The following RBM33 variants were observed in gnomAD, a reference collection of about 807,000 sequenced individuals.
The protein encoded by RBM33 is RNA-binding protein 33.
Under a neutral mutation model 132.6 loss-of-function variants are expected in RBM33, and 28 were observed. The observed-to-expected ratio is 0.21, with a 90% confidence interval of 0.16 to 0.29. RBM33 has a LOEUF of 0.29. Ranked by LOEUF, RBM33 falls within the 10% of genes least tolerant of loss-of-function variation. The probability of loss-of-function intolerance (pLI) is 1.00; values close to 1 mark genes in which losing one functional copy is unlikely to be tolerated. For synonymous variants in RBM33, 634 were observed against 593.0 expected (o/e 1.07, Z -1.01); for missense variants, 1,291 against 1,518.5 (o/e 0.85, Z 2.49).
chr7:155,673,768 G>GCGCACGCACACACACA (rs1554469952), intron 3 of RBM33, among the ~76,000 whole-genome samples: 1 of 132,962 alleles, frequency 7.5e-6, no homozygotes, highest in Non-Finnish European at 1.5e-5. Context: ...GCGCATGCGC[G>GCGCACGCACACACACA]CACACACACA....
rs994601932 is a variant in RBM33, at chr7:155,708,506, A to G, written c.948+1438A>G. Among the ~76,000 whole-genome samples the G allele has an allele frequency of 2.0e-5, 3 of 152,314 alleles. No individual in the cohort carries two copies. The South Asian group carries it at 6.2e-4, about 32-fold the overall frequency. On this transcript the variant is annotated intron_variant, in intron 7 of 17. Coordinates refer to ENST00000401878, the MANE Select transcript of RBM33 (RefSeq NM_053043.3). Reference sequence around the variant, plus strand: ...GTTGTTGAGCTCTGTTTTCTTACCCACAAAGAAGGGAAGAGCACGTATCTC... The same window carrying G: ...GTTGTTGAGCTCTGTTTTCTTACCCGCAAAGAAGGGAAGAGCACGTATCTC...
At chr7:155,731,761 CTG>C (rs543817524) in intron 9 of RBM33, among the ~76,000 whole-genome samples, 30 of 152,130 alleles carry the variant, frequency 2.0e-4, no homozygotes, top group Non-Finnish European at 3.8e-4. Flanking sequence ...GAAAGTGAAA[CTG>C]TGGATAAGTG....
At chr7:155,757,700 T>C (rs1371837496) in intron 14 of RBM33, among the ~76,000 whole-genome samples, 1 of 152,092 alleles carries the variant, frequency 6.6e-6, no homozygotes, top group Non-Finnish European at 1.5e-5. Flanking sequence ...AAGAAATACC[T>C]GAGACTGGAT....
In RBM33 at chr7:155,711,358, A is replaced by G. The variant is rs752624006; in HGVS notation, c.1104A>G (p.Pro368=). 4 of 1,596,342 alleles carry G rather than the reference A, an allele frequency of 2.5e-6. No homozygotes were observed. The East Asian group carries it at 9.3e-5, about 37-fold the overall frequency. The change falls in exon 8 of 18, where the codon CCA becomes CCG. Residue 368 remains proline (P), a synonymous_variant. Transcript: ENST00000401878. The stretch of plus-strand genomic sequence containing the variant: ...ACATGCCTCCCCAGCTAGAGACCCC[A>G]AGGATGATGATGACCCCGCCACCCG... ...GMHMPPQLET[P]RMMMTPPPVT... is the part of the protein sequence containing the mutation.
intron 6 of RBM33, 77 bp downstream of exon 6, chr7:155,701,021 A>G (rs542559929): frequency 7.6e-7 from 1 of 1,308,730 alleles, no homozygotes; most frequent in Admixed American, 2.0e-5. Flanking sequence ...AATTAATCAA[A>G]GTAGGCAAAG....
In RBM33 at chr7:155,742,058, A is replaced by T; in HGVS notation, c.2289A>T (p.Pro763=). The T allele has an allele frequency of 6.2e-7, 1 of 1,614,010 alleles. No individual in the cohort carries two copies. Among genetic ancestry groups the T allele is most frequent in the Non-Finnish European group, 8.5e-7 (1 of 1,179,896 alleles). ...GAAAGACGGAAGTGAAAGTCAAGCC[A>T]GCTAGCCCTGTGGCTCAACCTAAAG... ...SQGKTEVKVK[P]ASPVAQPKEE... The change falls in exon 13 of 18, where the codon CCA becomes CCT. Residue 763 remains proline, a synonymous_variant. Transcript: ENST00000401878.
chr7:155,712,557 G>T (rs933919632), intron 8 of RBM33, among the ~76,000 whole-genome samples: 1 of 152,218 alleles, frequency 6.6e-6, no homozygotes, highest in African/African-American at 2.4e-5. Flanking sequence ...GAAGGGATGG[G>T]TTGTATCTTA....
At chr7:155,678,565 T>G in intron 3 of RBM33, 43 bp from the exon 4 acceptor site, 1 of 1,230,088 alleles carries the variant, frequency 8.1e-7, no homozygotes. Context: ...CAAGTCTTTT[T>G]ATGGAAGTGA....
intron 1 of RBM33, among the ~76,000 whole-genome samples, chr7:155,654,203 T>C (rs1165378428): frequency 6.6e-6 from 1 of 152,208 alleles, no homozygotes; most frequent in African/African-American, 2.4e-5. Context: ...TTTCATTGAC[T>C]TCTCCTTCCT....
chr7:155,729,212 G>A (rs970563855), intron 9 of RBM33, among the ~76,000 whole-genome samples: 9 of 152,028 alleles, frequency 5.9e-5, no homozygotes, highest in South Asian at 2.1e-4. Flanking sequence ...TGAGAACAGC[G>A]TGGGGGAAAC....
intron 9 of RBM33, among the ~76,000 whole-genome samples, chr7:155,731,871 G>T (rs890855301): frequency 2.0e-5 from 3 of 152,178 alleles, no homozygotes; most frequent in African/African-American, 7.2e-5. Flanking sequence ...GAGTTTTTCA[G>T]TTCTAAGCCC....
intron 5 of RBM33, among the ~76,000 whole-genome samples, chr7:155,697,733 C>CTT (rs1799836770): frequency 2.0e-5 from 3 of 152,140 alleles, no homozygotes; most frequent in South Asian, 4.1e-4. Flanking sequence ...ATATACAAGT[C>CTT]TGAGTATTTT....
rs557148117 is a variant in RBM33 at position 155,739,967 on chromosome 7, G to A, written c.1990G>A (p.Ala664Thr). ...QPQFRPHVQT[A>T]QPQASSSRMQ... ...ACAGTTCCGGCCTCACGTACAGACC[G>A]CTCAGCCTCAGGCCAGCAGCAGCCG... is the stretch of plus-strand genomic sequence containing the variant. The change falls in exon 12 of 18, where the codon GCT (alanine) becomes ACT (threonine). Residue 664 changes from alanine (A) to threonine (T), a missense_variant. Physicochemically the swap from Ala to Thr is moderately conservative, Grantham distance 58 (BLOSUM62 0). Coordinates refer to ENST00000401878, the MANE Select transcript of RBM33 (RefSeq NM_053043.3). 17 of 1,563,830 alleles carry A rather than the reference G, an allele frequency of 1.1e-5. No homozygotes were observed. The African/African-American group carries it at 1.2e-4, about 11-fold the overall frequency.
chr7:155,700,644 A>C, intron 5 of RBM33, 129 bp from the exon 6 acceptor site: 1 of 576,200 alleles, frequency 1.7e-6, no homozygotes, highest in East Asian at 3.5e-5. Context: ...GTGGCCTTTT[A>C]ACAGGACATT....
In RBM33 at chr7:155,711,226, ACCG is replaced by A; in HGVS notation, c.978_980del (p.Pro327del). On this transcript the variant is annotated inframe_deletion, in exon 8 of 18. Transcript: ENST00000401878. ...AGCCCCAGGCTCCCCCTCCACCGCC[ACCG>A]CCGCCTCAGCAGCAGCCGATCAGAA... 6.3e-7 allele frequency: 1 copy of A among 1,579,150 alleles called. No individual in the cohort carries two copies. The highest frequency in any genetic ancestry group is 2.4e-5 in the East Asian group (1 of 41,522).
intron 6 of RBM33, 50 bp from the exon 7 acceptor site, chr7:155,706,810 C>A: frequency 7.0e-7 from 1 of 1,430,564 alleles, no homozygotes. Flanking sequence ...CCTAGACCTC[C>A]AGTTTGGGCT....
intron 1 of RBM33, among the ~76,000 whole-genome samples, chr7:155,650,881 T>G (rs1030273895): frequency 2.0e-5 from 3 of 152,196 alleles, no homozygotes; most frequent in Non-Finnish European, 2.9e-5. Flanking sequence ...TTGTTGTTGT[T>G]GTTTTTGTTT....
At chr7:155,707,409 A>C (rs1320634718) in intron 7 of RBM33, 1 of 440,110 alleles carries the variant, frequency 2.3e-6, no homozygotes, top group Admixed American at 3.0e-5. Flanking sequence ...CATTTGAGAG[A>C]TGTTATTACA....
rs1245318169 is a variant in RBM33, at chr7:155,665,158, A to G, written c.44-17A>G. On this transcript the variant is annotated splice_polypyrimidine_tract_variant and intron_variant, in intron 1 of 17. Transcript: ENST00000401878. The stretch of plus-strand genomic sequence containing the variant: ...TTTTAACTTAGTAAAACTGACTTCA[A>G]TGGACTGTTCTCATAGATGATGACT... 6 of 1,612,490 alleles carry G rather than the reference A, an allele frequency of 3.7e-6. No homozygotes were observed. The highest frequency in any genetic ancestry group is 2.2e-5 in the South Asian group (2 of 91,048).
Sources: gnomAD v4.1 joint callset for allele counts (sites outside exome capture counted in the v4.1 genomes callset) on GRCh38, gnomAD v4.1.1 for gene constraint, MANE v1.5 for transcripts, NCBI Gene and HGNC (gene_info 2026-07-23, HGNC 2026-07-21) for gene names.